Variants in BRMS1L observed in about 807,000 individuals in gnomAD.
The protein encoded by BRMS1L is BRMS1 like transcriptional repressor.
A neutral mutation model predicts 50.3 loss-of-function variants in BRMS1L; 23 were observed. The ratio of observed to expected loss-of-function variants is 0.46; its 90% CI spans 0.33 to 0.65. BRMS1L has a LOEUF of 0.65. BRMS1L is among the 30% of genes least tolerant of loss of function. The pLI is 0.02. For synonymous variants in BRMS1L, 114 were observed against 126.9 expected, an observed-to-expected ratio of 0.90 and a Z score of 0.69; for missense variants, 286 against 386.1, an observed-to-expected ratio of 0.74 and a Z score of 2.17.
intron 4 of BRMS1L, among the ~76,000 whole-genome samples, chr14:35,846,941 T>C (rs2078142802): frequency 6.6e-6 from 1 of 152,098 alleles, no homozygotes; most frequent in Non-Finnish European, 1.5e-5. Context: ...ATTTCTGTGA[T>C]GGTGGATTTG....
At chr14:35,843,379 TTGTTGA>T (rs1418414559) in intron 4 of BRMS1L, among the ~76,000 whole-genome samples, 1 of 152,176 alleles carries the variant, frequency 6.6e-6, no homozygotes, top group African/African-American at 2.4e-5. Context: ...GAGGTCCTTT[TTGTTGA>T]TGTTGATGCT....
intron 4 of BRMS1L, among the ~76,000 whole-genome samples, chr14:35,848,042 C>T (rs187977852): frequency 6.6e-6 from 1 of 152,110 alleles, no homozygotes; most frequent in East Asian, 1.9e-4. Context: ...TTTGAGATCC[C>T]GATTTCAATT....
At chr14:35,853,114 A>G (rs1313565810) in intron 4 of BRMS1L, among the ~76,000 whole-genome samples, 2 of 152,030 alleles carry the variant, frequency 1.3e-5, no homozygotes, top group African/African-American at 2.4e-5. Context: ...TCTTCTGTCC[A>G]TGTTTCAGAG....
chr14:35,835,054 A>C, intron 4 of BRMS1L, 131 bp downstream of exon 4: 1 of 429,252 alleles, frequency 2.3e-6, no homozygotes. Context: ...TGTGTGATTA[A>C]AAAAAAAAAA....
chr14:35,829,550 T>G (rs2077891452), intron 1 of BRMS1L, among the ~76,000 whole-genome samples: 1 of 152,262 alleles, frequency 6.6e-6, no homozygotes, highest in Admixed American at 6.5e-5. Flanking sequence ...TCTTTCATGT[T>G]AAACTTTCAC....
At chr14:35,844,860 A>G (rs1246643363) in intron 4 of BRMS1L, among the ~76,000 whole-genome samples, 2 of 152,052 alleles carry the variant, frequency 1.3e-5, no homozygotes, top group Non-Finnish European at 2.9e-5. Context: ...CACCTTACAT[A>G]CCTCTCTTTT....
intron 4 of BRMS1L, among the ~76,000 whole-genome samples, chr14:35,847,578 T>G (rs2078152781): frequency 6.6e-6 from 1 of 152,220 alleles, no homozygotes. Context: ...GTAAAGTCAT[T>G]CACCATTTGA....
In BRMS1L at chr14:35,832,212, T is replaced by G. The variant is rs989865078; in HGVS notation, c.233+712T>G. On this transcript the variant is annotated intron_variant, in intron 2 of 9. Transcript: ENST00000216807. ...CTTCCTCTTTGCTCTTTTAAAAAAT[T>G]AAGTAGGCTGGGCCGGGCACGGTGG... Among the ~76,000 whole-genome samples the G allele has an allele frequency of 2.0e-5, 3 of 151,940 alleles. No homozygotes were observed. In the East Asian group the frequency reaches 5.8e-4, roughly 29 times the overall value.
chr14:35,858,886 A>G (rs1333497397), intron 4 of BRMS1L, among the ~76,000 whole-genome samples: 1 of 151,468 alleles, frequency 6.6e-6, no homozygotes, highest in Non-Finnish European at 1.5e-5. Context: ...GACTGTTTTT[A>G]TGGCCTAGAT....
At chr14:35,859,480 G>A (rs1376391014) in intron 4 of BRMS1L, among the ~76,000 whole-genome samples, 1 of 152,068 alleles carries the variant, frequency 6.6e-6, no homozygotes, top group East Asian at 1.9e-4. Context: ...TTACCATTTT[G>A]ATTCCTGATC....
chr14:35,837,314 A>G (rs1289449125), intron 4 of BRMS1L, among the ~76,000 whole-genome samples: 1 of 152,150 alleles, frequency 6.6e-6, no homozygotes, highest in African/African-American at 2.4e-5. Flanking sequence ...TGGATAGGTA[A>G]TGTCAACACT....
intron 4 of BRMS1L, among the ~76,000 whole-genome samples, chr14:35,852,519 C>T (rs188840447): frequency 4.6e-5 from 7 of 152,092 alleles, no homozygotes; most frequent in East Asian, 1.9e-4. Flanking sequence ...TGATGTTTGT[C>T]GTTTTCAATA....
intron 1 of BRMS1L, 135 bp downstream of exon 1, chr14:35,826,793 C>G: frequency 7.7e-7 from 1 of 1,300,802 alleles, no homozygotes; most frequent in Non-Finnish European, 1.0e-6. Context: ...TGGCTCTGGG[C>G]CCTGGGCTGC....
intron 4 of BRMS1L, among the ~76,000 whole-genome samples, chr14:35,850,167 A>G (rs140185739): frequency 1.4e-5 from 2 of 148,118 alleles, no homozygotes; most frequent in African/African-American, 2.5e-5. Context: ...TTTCAGATAT[A>G]TGGTTTGCAA....
chr14:35,841,838 A>T (rs1027440100), intron 4 of BRMS1L, among the ~76,000 whole-genome samples: 1 of 152,144 alleles, frequency 6.6e-6, no homozygotes. Context: ...AGCTTCCTTT[A>T]TGAATCTGCA....
chr14:35,858,473 A>C (rs2078309825), intron 4 of BRMS1L: 1 of 152,206 alleles, frequency 6.6e-6, no homozygotes, highest in South Asian at 2.1e-4. Flanking sequence ...GATTTCTAGA[A>C]GTTAGTTTTT....
At chr14:35,845,466 C>A (rs1291798087) in intron 4 of BRMS1L, among the ~76,000 whole-genome samples, 1 of 152,030 alleles carries the variant, frequency 6.6e-6, no homozygotes, top group Admixed American at 6.6e-5. Context: ...TTGAATTAGT[C>A]GTGGTTTTAT....
intron 4 of BRMS1L, among the ~76,000 whole-genome samples, chr14:35,851,437 G>A (rs1191437358): frequency 1.3e-5 from 2 of 151,490 alleles, no homozygotes; most frequent in African/African-American, 4.9e-5. Flanking sequence ...AAGAGGGATG[G>A]AAATATAAAT....
At chr14:35,831,539 C>A (rs745394547) in intron 2 of BRMS1L, 39 bp downstream of exon 2, 14 of 1,453,862 alleles carry the variant, frequency 9.6e-6, no homozygotes, top group African/African-American at 8.4e-5. Flanking sequence ...CACTGAATCT[C>A]AACCTTGTCA....
Sources: gnomAD v4.1 joint callset for allele counts (sites outside exome capture counted in the v4.1 genomes callset) on GRCh38, gnomAD v4.1.1 for gene constraint, MANE v1.5 for transcripts, NCBI Gene and HGNC (gene_info 2026-07-23, HGNC 2026-07-21) for gene names.